KCNQ5: variants seen among roughly 807,000 people sequenced by gnomAD.
The protein encoded by KCNQ5 is potassium voltage-gated channel subfamily KQT member 5.
KCNQ5 carries 30 observed loss-of-function variants against 98.2 expected under a neutral mutation model. That is an observed-to-expected ratio of 0.31 (90% CI 0.23 to 0.41). KCNQ5 has a LOEUF of 0.41. Among genes scored for constraint, KCNQ5 ranks in the 10% least tolerant of loss-of-function variants. The pLI is 1.00. For synonymous variants in KCNQ5, 458 were observed against 449.4 expected (o/e 1.02, Z -0.24); for missense variants, 835 against 1,182.5 (o/e 0.71, Z 4.31).
rs573698068 is a variant in KCNQ5 at position 73,095,955 on chromosome 6, T to G, written c.919-9302T>G. ...AGTTGTATACTCATAAGCAAACTGT[T>G]TAAATTATCTGAATCCAAGTTTCCT... On this transcript the variant is annotated intron_variant, in intron 5 of 13. Transcript: ENST00000370398. 1.2e-3 allele frequency among the ~76,000 whole-genome samples: 183 copies of G among 152,252 alleles called. 1 individual carries two copies. The highest frequency in any genetic ancestry group is 4.2e-3 in the African/African-American group (173 of 41,542).
At position 73,075,423 on chromosome 6, in the gene KCNQ5, A is replaced by G. The variant is rs578197066; in HGVS notation, c.617-1899A>G. 9.9e-5 allele frequency among the ~76,000 whole-genome samples: 15 copies of G among 152,112 alleles called. No individual in the cohort carries two copies. The East Asian group carries it at 1.7e-3, about 18-fold the overall frequency. On this transcript the variant is annotated intron_variant, in intron 3 of 13. Transcript: ENST00000370398. ...TTTTTAGTAGAGACAGGGTTTCACC[A>G]TGTTGGCCAGGATGGTCTCGATCTC... is the stretch of plus-strand genomic sequence containing the variant.
At chr6:72,656,555 T>A (rs935082779) in intron 1 of KCNQ5, among the ~76,000 whole-genome samples, 8 of 152,234 alleles carry the variant, frequency 5.3e-5, no homozygotes, top group African/African-American at 1.9e-4. Flanking sequence ...TAAAATGCAT[T>A]TAATTATAAT....
chr6:72,693,287 A>G (rs1768305276), intron 1 of KCNQ5, among the ~76,000 whole-genome samples: 1 of 152,140 alleles, frequency 6.6e-6, no homozygotes. Flanking sequence ...TTAGAAGATA[A>G]TCAGGAGAGT....
chr6:73,024,381 T>TAGATTAGATAGATAGATA (rs57909943), intron 2 of KCNQ5, among the ~76,000 whole-genome samples: 2 of 120,548 alleles, frequency 1.7e-5, no homozygotes, highest in Non-Finnish European at 3.5e-5. Context: ...GATAGATAGA[T>TAGATTAGATAGATAGATA]GATAGATAGA....
chr6:72,917,023 A>G (rs566758931), intron 1 of KCNQ5, among the ~76,000 whole-genome samples: 2 of 152,150 alleles, frequency 1.3e-5, no homozygotes, highest in African/African-American at 2.4e-5. Flanking sequence ...TTCCCTGGCC[A>G]TGGAGGAATA....
intron 2 of KCNQ5, among the ~76,000 whole-genome samples, chr6:73,015,307 G>C (rs148071068): frequency 6.6e-6 from 1 of 151,944 alleles, no homozygotes; most frequent in African/African-American, 2.4e-5. Context: ...GATTCACAGA[G>C]ACTAACGACC....
chr6:73,105,375 TC>T lies in KCNQ5; in HGVS notation c.1029+9del. Reference sequence around the variant, plus strand: ...TTCTTTGCACTTCCTGCCGTGAGTATCTTTGCACCAATAAAGCAGTTTAAAT... The same window carrying T: ...TTCTTTGCACTTCCTGCCGTGAGTATTTTGCACCAATAAAGCAGTTTAAAT... On this transcript the variant is annotated intron_variant, in intron 6 of 13. Coordinates refer to ENST00000370398, the MANE Select transcript of KCNQ5 (RefSeq NM_019842.4). 2 of 1,562,234 alleles carry T rather than the reference TC, an allele frequency of 1.3e-6. No homozygotes were observed. The highest frequency in any genetic ancestry group is 1.8e-6 in the Non-Finnish European group (2 of 1,137,824).
chr6:73,008,842 G>A (rs73753221), intron 2 of KCNQ5, among the ~76,000 whole-genome samples: 6 of 152,056 alleles, frequency 3.9e-5, no homozygotes, highest in East Asian at 1.9e-4. Context: ...ATGTTAGCCC[G>A]CAAGTTAAGT....
At chr6:73,177,174 AGGAG>A (rs1405606388) in intron 11 of KCNQ5, among the ~76,000 whole-genome samples, 1 of 152,222 alleles carries the variant, frequency 6.6e-6, no homozygotes, top group East Asian at 1.9e-4. Flanking sequence ...AGTGGCAACA[AGGAG>A]GTCATCTGTG....
intron 2 of KCNQ5, among the ~76,000 whole-genome samples, chr6:73,031,841 G>A (rs904862499): frequency 2.0e-5 from 3 of 152,202 alleles, no homozygotes; most frequent in Admixed American, 6.5e-5. Context: ...ATACCCTCAA[G>A]GAAGAAGGAA....
chr6:72,790,803 G>GA (rs1773996959), intron 1 of KCNQ5, among the ~76,000 whole-genome samples: 1 of 152,122 alleles, frequency 6.6e-6, no homozygotes, highest in Non-Finnish European at 1.5e-5. Context: ...GACATTAAAA[G>GA]AATAAAGTAC....
intron 1 of KCNQ5, among the ~76,000 whole-genome samples, chr6:72,714,511 T>C (rs77217482): frequency 0.013 from 2,030 of 152,296 alleles, 34 homozygotes; most frequent in African/African-American, 0.042. Flanking sequence ...TTAAATACTC[T>C]GCTTTTCCTT....
intron 1 of KCNQ5, among the ~76,000 whole-genome samples, chr6:72,835,189 G>A (rs982548891): frequency 1.9e-4 from 29 of 152,116 alleles, no homozygotes; most frequent in African/African-American, 6.7e-4. Flanking sequence ...TAACCATAGT[G>A]GCTATTGCTC....
intron 1 of KCNQ5, among the ~76,000 whole-genome samples, chr6:72,878,130 C>T (rs951617913): frequency 6.6e-6 from 1 of 152,112 alleles, no homozygotes; most frequent in African/African-American, 2.4e-5. Flanking sequence ...ATTAGCGGGG[C>T]ATGGTGGCAT....
At chr6:72,761,781 C>T (rs1285922341) in intron 1 of KCNQ5, among the ~76,000 whole-genome samples, 4 of 151,952 alleles carry the variant, frequency 2.6e-5, no homozygotes, top group East Asian at 3.9e-4. Context: ...GAGGAGGAAA[C>T]GTAATGCCCT....
chr6:73,131,743 C>T (rs1336987349), intron 9 of KCNQ5, among the ~76,000 whole-genome samples: 1 of 152,176 alleles, frequency 6.6e-6, no homozygotes, highest in Non-Finnish European at 1.5e-5. Context: ...TATTGTTGCT[C>T]TTGTTTAATG....
At chr6:73,025,665 G>C in intron 2 of KCNQ5, among the ~76,000 whole-genome samples, 1 of 135,554 alleles carries the variant, frequency 7.4e-6, no homozygotes, top group Non-Finnish European at 1.6e-5. Context: ...AAAAATTCAA[G>C]TGTTCCGAAT....
chr6:72,981,908 A>C (rs1768478507), intron 1 of KCNQ5, among the ~76,000 whole-genome samples: 1 of 152,042 alleles, frequency 6.6e-6, no homozygotes, highest in African/African-American at 2.4e-5. Flanking sequence ...TCATTTCGTT[A>C]TTTACCCAGT....
chr6:73,157,958 G>T, intron 10 of KCNQ5: 1 of 767,016 alleles, frequency 1.3e-6, no homozygotes. Flanking sequence ...CGGTGAGCTT[G>T]AGTAGGGACT....
Sources: gnomAD v4.1 joint callset for allele counts (sites outside exome capture counted in the v4.1 genomes callset) on GRCh38, gnomAD v4.1.1 for gene constraint, MANE v1.5 for transcripts, NCBI Gene and HGNC (gene_info 2026-07-23, HGNC 2026-07-21) for gene names.